Variants in CCDC141 observed in about 807,000 individuals in gnomAD.
CCDC141 encodes the protein coiled-coil domain containing 141.
In CCDC141, 168 loss-of-function variants were observed where a neutral mutation model predicts 181.0. That is an observed-to-expected ratio of 0.93 (90% CI 0.82 to 1.05). The LOEUF (loss-of-function observed/expected upper bound fraction) is 1.05. Among genes scored for constraint, CCDC141 ranks in the 50% least tolerant of loss-of-function variants. The probability of loss-of-function intolerance (pLI) is 0.00; values close to 1 mark genes in which losing one functional copy is unlikely to be tolerated. For missense variants in CCDC141, 1,902 were observed against 1,788.5 expected, an observed-to-expected ratio of 1.06 and a Z score of -1.14; for synonymous variants, 666 against 642.3, an observed-to-expected ratio of 1.04 and a Z score of -0.56.
intron 4 of CCDC141, among the ~76,000 whole-genome samples, chr2:178,965,834 A>G (rs947001544): frequency 6.6e-6 from 1 of 151,814 alleles, no homozygotes; most frequent in Non-Finnish European, 1.5e-5. Flanking sequence ...AGCAGTTCCC[A>G]CCCCCAGAGA....
chr2:178,972,218 G>C (rs1314031921), intron 4 of CCDC141, among the ~76,000 whole-genome samples: 1 of 152,054 alleles, frequency 6.6e-6, no homozygotes, highest in Non-Finnish European at 1.5e-5. Flanking sequence ...AAAACTGGAG[G>C]GTGCAGTTGT....
chr2:178,830,733 G>A lies in CCDC141; in HGVS notation c.*3440C>T, dbSNP rs974981512. ...CAGGTGCTGACAGTGCACATGGCAGGACCATCTACTCTGGACTTGATGGGT... is the reference window on the plus strand; with the variant it reads ...CAGGTGCTGACAGTGCACATGGCAGAACCATCTACTCTGGACTTGATGGGT... On this transcript the variant is annotated 3_prime_UTR_variant, in exon 24 of 24. Transcript: ENST00000443758. The A allele has an allele frequency of 6.6e-6, 1 of 152,270 alleles. No individual in the cohort carries two copies. The highest frequency in any genetic ancestry group is 2.4e-5 in the African/African-American group (1 of 41,438). 9.4% of individuals were successfully genotyped at this position (152,270 alleles called of 1,614,324 possible).
In CCDC141 at chr2:178,855,455, CA is replaced by C; in HGVS notation, c.2951del (p.Leu984TrpfsTer4). ...GTTTTTGCAAATCCTTCATGACTTC[CA>C]AAAGGACATTAACTTTATCACTTGG... is the stretch of plus-strand genomic sequence containing the variant. Reference protein sequence around the residue: ...NYPSDKVNVLLEVMKDLQKHV... With the variant: ...NYPSDKVNVLXEVMKDLQKHV... On this transcript the variant is annotated frameshift_variant, in exon 19 of 24. Coordinates refer to ENST00000443758, the MANE Select transcript of CCDC141 (RefSeq NM_173648.4). LOFTEE classifies it high-confidence loss of function. The C allele has an allele frequency of 6.2e-7, 1 of 1,611,090 alleles. No individual in the cohort carries two copies. The highest frequency in any genetic ancestry group is 8.5e-7 in the Non-Finnish European group (1 of 1,178,408).
At chr2:178,941,747 G>C (rs1231715815) in intron 6 of CCDC141, among the ~76,000 whole-genome samples, 1 of 150,838 alleles carries the variant, frequency 6.6e-6, no homozygotes, top group Non-Finnish European at 1.5e-5. Flanking sequence ...GAGGCCAGGA[G>C]TTCATAACCA....
At chr2:178,863,665 A>T (rs965678430) in intron 17 of CCDC141, among the ~76,000 whole-genome samples, 2 of 152,178 alleles carry the variant, frequency 1.3e-5, no homozygotes, top group Non-Finnish European at 2.9e-5. Context: ...CTGTGGTGGG[A>T]AAGTCCAGGG....
At chr2:178,899,255 T>A (rs1388602713) in intron 8 of CCDC141, among the ~76,000 whole-genome samples, 2 of 152,150 alleles carry the variant, frequency 1.3e-5, no homozygotes, top group African/African-American at 4.8e-5. Context: ...CATGTCTAAG[T>A]ATGTGTAGGT....
intron 2 of CCDC141, among the ~76,000 whole-genome samples, chr2:178,984,158 A>G (rs957439425): frequency 2.0e-5 from 3 of 152,084 alleles, no homozygotes; most frequent in African/African-American, 7.2e-5. Context: ...GGGGGCCAAT[A>G]GTCAACATTC....
intron 9 of CCDC141, among the ~76,000 whole-genome samples, chr2:178,887,837 T>C (rs1686960452): frequency 6.6e-6 from 1 of 152,242 alleles, no homozygotes; most frequent in African/African-American, 2.4e-5. Context: ...ACCAAGCCTC[T>C]GCAGCAAGAT....
intron 6 of CCDC141, among the ~76,000 whole-genome samples, chr2:178,936,432 C>T (rs948184335): frequency 2.0e-5 from 3 of 151,672 alleles, no homozygotes; most frequent in Non-Finnish European, 4.4e-5. Context: ...TTCTGGATTC[C>T]CTATTCTGTT....
rs1444233641 is a variant in CCDC141 at position 178,865,766 on chromosome 2, C to A, written c.2724+1G>T. 2.0e-6 allele frequency: 3 copies of A among 1,510,162 alleles called. No individual in the cohort carries two copies. The highest frequency in any genetic ancestry group is 2.7e-6 in the Non-Finnish European group (3 of 1,127,584). 93.5% of individuals were successfully genotyped at this position (1,510,162 alleles called of 1,614,324 possible). A position where few individuals can be genotyped will look rare whatever the true frequency, so the allele number is the denominator to read the frequency against. ...CCAGTTCTCACCCCTCCCACACCCA[C>A]CTCATTTATCTCGTCTCTCATGGCG... On this transcript the variant is annotated splice_donor_variant, in intron 17 of 23. Coordinates refer to ENST00000443758, the MANE Select transcript of CCDC141 (RefSeq NM_173648.4). LOFTEE classifies it high-confidence loss of function.
At position 179,020,758 on chromosome 2, in the gene CCDC141, G is replaced by A. The variant is rs189684772; in HGVS notation, c.225+26526C>T. 1.7e-3 allele frequency among the ~76,000 whole-genome samples: 265 copies of A among 152,258 alleles called. 2 individuals carry two copies. The highest frequency in any genetic ancestry group is 0.017 in the South Asian group (82 of 4,798). ...CTAAAGTAAGTATGCATGCATTTAT[G>A]TAATGTTAATTATTCTAATCTAGTT... is the stretch of plus-strand genomic sequence containing the variant. On this transcript the variant is annotated intron_variant, in intron 2 of 23. Coordinates refer to ENST00000443758, the MANE Select transcript of CCDC141 (RefSeq NM_173648.4).
At chr2:178,994,901 C>T (rs568238433) in intron 2 of CCDC141, among the ~76,000 whole-genome samples, 39 of 152,310 alleles carry the variant, frequency 2.6e-4, no homozygotes, top group African/African-American at 7.7e-4. Context: ...GTCATCTTTG[C>T]TCCAGTTCCC....
downstream of CCDC141, among the ~76,000 whole-genome samples, chr2:178,828,131 C>G (rs1192405721): frequency 6.6e-6 from 1 of 152,082 alleles, no homozygotes; most frequent in African/African-American, 2.4e-5. Context: ...CTTGACACTA[C>G]TGAACCCGGT....
At chr2:179,042,898 A>T (rs531253895) in intron 2 of CCDC141, among the ~76,000 whole-genome samples, 90 of 152,298 alleles carry the variant, frequency 5.9e-4, no homozygotes, top group African/African-American at 2.0e-3. Context: ...AGACACAAAA[A>T]AACCTTCAAA....
intron 8 of CCDC141, among the ~76,000 whole-genome samples, chr2:178,897,794 G>C (rs758237574): frequency 9.9e-5 from 15 of 152,140 alleles, no homozygotes; most frequent in Admixed American, 9.8e-4. Context: ...ACTGAACTGA[G>C]AGAAAAAAAT....
At chr2:178,820,317 T>G in the CCDC141 span, among the ~76,000 whole-genome samples, 1 of 152,154 alleles carries the variant, frequency 6.6e-6, no homozygotes, top group South Asian at 2.1e-4. Flanking sequence ...TGTGGTGTGT[T>G]TTTTTAAGGT....
At chr2:178,962,216 T>C (rs1372861752) in intron 4 of CCDC141, among the ~76,000 whole-genome samples, 1 of 152,172 alleles carries the variant, frequency 6.6e-6, no homozygotes, top group Non-Finnish European at 1.5e-5. Context: ...ATTGGGATGT[T>C]AAGCCTAAAA....
the CCDC141 span, among the ~76,000 whole-genome samples, chr2:178,820,626 A>C: frequency 2.0e-5 from 3 of 152,210 alleles, no homozygotes; most frequent in Non-Finnish European, 4.4e-5. Context: ...TGAGAATGAG[A>C]TCTAAAGTTT....
chr2:179,022,201 C>A (rs2042708397), intron 2 of CCDC141, among the ~76,000 whole-genome samples: 1 of 152,052 alleles, frequency 6.6e-6, no homozygotes, highest in Non-Finnish European at 1.5e-5. Flanking sequence ...TTGCAGAGTT[C>A]TGTGGCCTTT....
Sources: gnomAD v4.1 joint callset for allele counts (sites outside exome capture counted in the v4.1 genomes callset) on GRCh38, gnomAD v4.1.1 for gene constraint, MANE v1.5 for transcripts, NCBI Gene and HGNC (gene_info 2026-07-23, HGNC 2026-07-21) for gene names.